The following MYO1D variants were observed in gnomAD, a reference collection of about 807,000 sequenced individuals.
MYO1D encodes the protein myosin ID.
Under a neutral mutation model 122.0 loss-of-function variants are expected in MYO1D, and 83 were observed. The observed-to-expected ratio is 0.68, with a 90% confidence interval of 0.57 to 0.82. MYO1D has a LOEUF of 0.82. Ranked by LOEUF, MYO1D falls within the 40% of genes least tolerant of loss-of-function variation. MYO1D has a pLI of 0.00. For synonymous variants in MYO1D, 464 were observed against 446.9 expected, an observed-to-expected ratio of 1.04 and a Z score of -0.48; for missense variants, 1,157 against 1,269.5, an observed-to-expected ratio of 0.91 and a Z score of 1.35.
At chr17:32,603,706 T>C (rs2087590782) in intron 21 of MYO1D, among the ~76,000 whole-genome samples, 2 of 151,928 alleles carry the variant, frequency 1.3e-5, no homozygotes, top group Non-Finnish European at 2.9e-5. Context: ...TTTGTATTTT[T>C]AGTAGAGACG....
At chr17:32,768,612 C>A (rs2090084198) in intron 6 of MYO1D, among the ~76,000 whole-genome samples, 3 of 152,142 alleles carry the variant, frequency 2.0e-5, no homozygotes, top group African/African-American at 4.8e-5. Context: ...AGTACAAGTT[C>A]CTCTAGTGTC....
At chr17:32,659,817 TC>T (rs1394343088) in intron 16 of MYO1D, among the ~76,000 whole-genome samples, 2 of 152,128 alleles carry the variant, frequency 1.3e-5, no homozygotes, top group African/African-American at 2.4e-5. Flanking sequence ...CCTGTGCACC[TC>T]CTCTCCCGCG....
intron 1 of MYO1D, among the ~76,000 whole-genome samples, chr17:32,860,499 C>T (rs1190219821): frequency 4.6e-5 from 7 of 152,200 alleles, no homozygotes; most frequent in Non-Finnish European, 1.0e-4. Flanking sequence ...TTTCTCACAC[C>T]TACAACAATG....
chr17:32,642,069 A>C (rs998479129), intron 19 of MYO1D, among the ~76,000 whole-genome samples: 2 of 152,194 alleles, frequency 1.3e-5, no homozygotes, highest in African/African-American at 4.8e-5. Flanking sequence ...TTTAGGTCTA[A>C]CATTTTAGTC....
intron 1 of MYO1D, among the ~76,000 whole-genome samples, chr17:32,791,733 G>A (rs1478323737): frequency 6.6e-6 from 1 of 152,110 alleles, no homozygotes. Flanking sequence ...AAAATTAGAA[G>A]TTGATAATAA....
intron 9 of MYO1D, 22 bp from the exon 10 acceptor site, chr17:32,760,426 A>C (rs1357067476): frequency 1.2e-6 from 2 of 1,603,722 alleles, no homozygotes; most frequent in African/African-American, 2.7e-5. Flanking sequence ...GGAATAAATT[A>C]AGTTTCAACA....
chr17:32,713,002 CATCTTAGAAGGCT>C (rs2089397972), intron 15 of MYO1D, among the ~76,000 whole-genome samples: 1 of 152,178 alleles, frequency 6.6e-6, no homozygotes, highest in South Asian at 2.1e-4. Context: ...AGGTAGAGGG[CATCTTAGAAGGCT>C]ATCACAGAGC....
At position 32,738,150 on chromosome 17, in the gene MYO1D, A is replaced by T. The variant is rs565037064; in HGVS notation, c.1746+103T>A. 1.5e-5 allele frequency: 15 copies of T among 1,008,190 alleles called. No homozygotes were observed. In the East Asian group the frequency reaches 3.2e-4, roughly 21 times the overall value. 62.5% of individuals were successfully genotyped at this position (1,008,190 alleles called of 1,614,324 possible). A position where few individuals can be genotyped will look rare whatever the true frequency, so the allele number is the denominator to read the frequency against. Reference sequence around the variant, plus strand: ...ACATTCACTTTATACATATTCTTCAATCTACATGATTACCTAAAAAGCAAA... The same window carrying T: ...ACATTCACTTTATACATATTCTTCATTCTACATGATTACCTAAAAAGCAAA... On this transcript the variant is annotated intron_variant, in intron 14 of 21. Transcript: ENST00000318217.
chr17:32,851,954 A>G (rs990850464), intron 1 of MYO1D, among the ~76,000 whole-genome samples: 1 of 152,136 alleles, frequency 6.6e-6, no homozygotes, highest in Admixed American at 6.5e-5. Context: ...TACAGCATTT[A>G]CTACTGCTGT....
chr17:32,575,462 T>C (rs1188666969), intron 21 of MYO1D, among the ~76,000 whole-genome samples: 1 of 152,236 alleles, frequency 6.6e-6, no homozygotes, highest in Non-Finnish European at 1.5e-5. Context: ...ACAATAAATT[T>C]TGCTTGGTTA....
intron 1 of MYO1D, among the ~76,000 whole-genome samples, chr17:32,837,947 GGTATTGTGC>G (rs1242678888): frequency 2.1e-5 from 3 of 146,282 alleles, no homozygotes; most frequent in Non-Finnish European, 4.5e-5. Flanking sequence ...CATTCACTAA[GGTATTGTGC>G]TTTTCTTTTC....
intron 1 of MYO1D, among the ~76,000 whole-genome samples, chr17:32,786,545 C>T (rs543700248): frequency 2.6e-5 from 4 of 152,334 alleles, no homozygotes; most frequent in South Asian, 2.1e-4. Flanking sequence ...TTAGGCCGGG[C>T]GCACTGGCTC....
intron 1 of MYO1D, among the ~76,000 whole-genome samples, chr17:32,841,999 A>G (rs1340814218): frequency 2.0e-5 from 3 of 152,194 alleles, no homozygotes; most frequent in African/African-American, 7.2e-5. Flanking sequence ...AACGTCCATA[A>G]ATTTGAAGAT....
At chr17:32,872,609 A>C (rs2091191201) in intron 1 of MYO1D, among the ~76,000 whole-genome samples, 1 of 150,350 alleles carries the variant, frequency 6.7e-6, no homozygotes, top group African/African-American at 2.5e-5. Flanking sequence ...TATAAGTTGA[A>C]GCTCCTTCTC....
intron 21 of MYO1D, among the ~76,000 whole-genome samples, chr17:32,531,075 G>A (rs1433444125): frequency 6.6e-6 from 1 of 152,200 alleles, no homozygotes; most frequent in Non-Finnish European, 1.5e-5. Context: ...CCCCAGCCTT[G>A]AGGATGGGCA....
At chr17:32,731,412 T>G (rs1400763508) in intron 14 of MYO1D, among the ~76,000 whole-genome samples, 5 of 152,320 alleles carry the variant, frequency 3.3e-5, no homozygotes, top group African/African-American at 9.6e-5. Flanking sequence ...TTTCTGGCCT[T>G]TCATTTCTTG....
intron 21 of MYO1D, among the ~76,000 whole-genome samples, chr17:32,499,964 GAAAAATA>G (rs1264915918): frequency 6.6e-6 from 1 of 151,936 alleles, no homozygotes; most frequent in Non-Finnish European, 1.5e-5. Flanking sequence ...CCCCATCTTT[GAAAAATA>G]AAAAATAAAA....
chr17:32,713,095 T>C (rs767518960), intron 15 of MYO1D, among the ~76,000 whole-genome samples: 1 of 152,206 alleles, frequency 6.6e-6, no homozygotes, highest in African/African-American at 2.4e-5. Context: ...TACATCTAAA[T>C]TTTAAGTCAT....
chr17:32,860,905 T>A (rs970442836), intron 1 of MYO1D, among the ~76,000 whole-genome samples: 1 of 152,170 alleles, frequency 6.6e-6, no homozygotes, highest in Non-Finnish European at 1.5e-5. Context: ...GCTTGAAGCA[T>A]AAAATGAAGA....
Sources: gnomAD v4.1 joint callset for allele counts (sites outside exome capture counted in the v4.1 genomes callset) on GRCh38, gnomAD v4.1.1 for gene constraint, MANE v1.5 for transcripts, NCBI Gene and HGNC (gene_info 2026-07-23, HGNC 2026-07-21) for gene names.